Variants in CDC42EP4 observed in about 807,000 individuals in gnomAD.
CDC42EP4 encodes the protein CDC42 effector protein (Rho GTPase binding) 4.
Under a neutral mutation model 5.6 loss-of-function variants are expected in CDC42EP4, and 6 were observed. The ratio of observed to expected loss-of-function variants is 1.07; its 90% CI spans 0.59 to 2.12. CDC42EP4 has a LOEUF of 2.12. Ranked by LOEUF, CDC42EP4 falls within the 30% of genes most tolerant of loss-of-function variation. The pLI is 0.00. For synonymous variants in CDC42EP4, 230 were observed against 224.2 expected (o/e 1.03, Z -0.23); for missense variants, 490 against 508.6 (o/e 0.96, Z 0.35).
At chr17:73,302,912 C>T (rs868283537) in intron 1 of CDC42EP4, among the ~76,000 whole-genome samples, 2 of 150,472 alleles carry the variant, frequency 1.3e-5, no homozygotes, top group African/African-American at 2.5e-5. Flanking sequence ...GGCATGGTGG[C>T]GGGCACCTGT....
rs1490882222 is a variant in CDC42EP4 at position 73,289,670 on chromosome 17, C to A, written c.-112-3058G>T. Among the ~76,000 whole-genome samples, 5 of 134,916 alleles carry A rather than the reference C, an allele frequency of 3.7e-5. No homozygotes were observed. The Admixed American group carries it at 4.2e-4, about 11-fold the overall frequency. 88.5% of individuals were successfully genotyped at this position (134,916 alleles called of 152,430 possible). ...GCTGACTCCTGAATATCATATATGA[C>A]CCTCTTGGCCAGCCATGGGCTCCTA... is the stretch of plus-strand genomic sequence containing the variant. On this transcript the variant is annotated intron_variant, in intron 1 of 1. Transcript: ENST00000335793.
intron 1 of CDC42EP4, among the ~76,000 whole-genome samples, chr17:73,300,810 G>A (rs563928591): frequency 6.6e-6 from 1 of 152,252 alleles, no homozygotes; most frequent in South Asian, 2.1e-4. Context: ...ACTCTGGGAG[G>A]CTGAGTCAGG....
At chr17:73,290,819 T>C (rs556065683) in intron 1 of CDC42EP4, among the ~76,000 whole-genome samples, 2 of 152,238 alleles carry the variant, frequency 1.3e-5, no homozygotes, top group African/African-American at 4.8e-5. Flanking sequence ...CTGTGAGTGA[T>C]GTCAGGTCCT....
At chr17:73,295,466 T>C (rs2062179774) in intron 1 of CDC42EP4, among the ~76,000 whole-genome samples, 2 of 152,268 alleles carry the variant, frequency 1.3e-5, no homozygotes, top group South Asian at 4.1e-4. Flanking sequence ...CACTGAGCAA[T>C]TGGTACTAGG....
chr17:73,304,277 C>CTTTTTTT (rs3064764), intron 1 of CDC42EP4, among the ~76,000 whole-genome samples: 1 of 135,964 alleles, frequency 7.4e-6, no homozygotes, highest in Non-Finnish European at 1.5e-5. Context: ...TCTTCTTCTT[C>CTTTTTTT]TTTTTTTTTT....
At chr17:73,302,144 C>T (rs2062222331) in intron 1 of CDC42EP4, among the ~76,000 whole-genome samples, 1 of 152,072 alleles carries the variant, frequency 6.6e-6, no homozygotes. Flanking sequence ...AGCAGGCTAC[C>T]TTTTTTTCCC....
At chr17:73,304,277 CT>C (rs3064764) in intron 1 of CDC42EP4, among the ~76,000 whole-genome samples, 164 of 135,826 alleles carry the variant, frequency 1.2e-3, no homozygotes, top group Middle Eastern at 3.8e-3. Flanking sequence ...TCTTCTTCTT[CT>C]TTTTTTTTTT....
chr17:73,284,338 T>A lies in CDC42EP4; in HGVS notation c.*1092A>T, dbSNP rs977632376. On this transcript the variant is annotated 3_prime_UTR_variant, in exon 2 of 2. Transcript: ENST00000335793. ...AAAGAAAAAAAAGGCTTTCCCCCCA[T>A]AGGAATGATATATTATTTAAAAAAA... 3 of 151,958 alleles carry A rather than the reference T, an allele frequency of 2.0e-5. No homozygotes were observed. Among genetic ancestry groups the A allele is most frequent in the African/African-American group, 7.3e-5 (3 of 41,354 alleles). The allele number at this position is 151,958 out of a possible 1,614,324, so 9.4% of individuals were successfully genotyped here.
At chr17:73,306,375 G>C (rs938441587) in intron 1 of CDC42EP4, among the ~76,000 whole-genome samples, 1 of 151,270 alleles carries the variant, frequency 6.6e-6, no homozygotes, top group South Asian at 2.1e-4. Flanking sequence ...GGCGGCACAC[G>C]TCTATAGTCT....
intron 1 of CDC42EP4, chr17:73,306,838 T>C (rs556632204): frequency 6.6e-6 from 1 of 152,292 alleles, no homozygotes; most frequent in Non-Finnish European, 1.5e-5. Flanking sequence ...CTGGCTTTGT[T>C]GGCACACTTG....
intron 1 of CDC42EP4, among the ~76,000 whole-genome samples, chr17:73,289,261 G>C (rs2062148938): frequency 1.3e-5 from 2 of 152,152 alleles, no homozygotes; most frequent in Non-Finnish European, 2.9e-5. Context: ...ACTCTGGGAG[G>C]CTACGGCAGG....
At chr17:73,296,993 A>AC (rs1568343271) in intron 1 of CDC42EP4, among the ~76,000 whole-genome samples, 1 of 121,690 alleles carries the variant, frequency 8.2e-6, no homozygotes, top group Non-Finnish European at 1.8e-5. Flanking sequence ...AAAAAAAAAA[A>AC]AAAAAAAAAA....
At position 73,297,289 on chromosome 17, in the gene CDC42EP4, C is replaced by T. The variant is rs1232068588; in HGVS notation, c.-112-10677G>A. 1.3e-4 allele frequency among the ~76,000 whole-genome samples: 14 copies of T among 110,674 alleles called. No individual in the cohort carries two copies. The South Asian group carries it at 3.9e-3, about 31-fold the overall frequency. The allele number at this position is 110,674 out of a possible 152,430, so 72.6% of individuals were successfully genotyped here. ...AGCCTGGGGGACAAGAGCAAGACTTCGTCTCCAAAAAAAAAAAAAAACACA... is the reference window on the plus strand; with the variant it reads ...AGCCTGGGGGACAAGAGCAAGACTTTGTCTCCAAAAAAAAAAAAAAACACA... On this transcript the variant is annotated intron_variant, in intron 1 of 1. Coordinates refer to ENST00000335793, the MANE Select transcript of CDC42EP4 (RefSeq NM_012121.5).
rs1347750967 is a variant in CDC42EP4 at position 73,286,473 on chromosome 17, T to C, written c.28A>G (p.Ser10Gly). The C allele has an allele frequency of 6.3e-7, 1 of 1,599,578 alleles. No individual in the cohort carries two copies. Among genetic ancestry groups the C allele is most frequent in the Admixed American group, 1.7e-5 (1 of 59,290 alleles). MPILKQLVS[S>G]SVHSKRRSRA... ...GAACGGCGCTTGGAGTGCACCGAGC[T>C]GGACACCAGTTGCTTGAGGATTGGC... is the stretch of plus-strand genomic sequence containing the variant. Residue 10 changes from serine (S) to glycine (G), a missense_variant, in exon 2 of 2, where the codon AGC becomes GGC. Ser to Gly is a moderately conservative substitution (Grantham distance 56). Transcript: ENST00000335793. The surrounding 1 kb of genome is among the most constrained non-coding windows in gnomAD (Gnocchi z 7.7).
chr17:73,303,235 C>A (rs925178854), intron 1 of CDC42EP4, among the ~76,000 whole-genome samples: 1 of 151,620 alleles, frequency 6.6e-6, no homozygotes, highest in Non-Finnish European at 1.5e-5. Context: ...CCTAGCTACT[C>A]GGAAGGCTGA....
At chr17:73,308,028 C>T (rs1185708333) in intron 1 of CDC42EP4, among the ~76,000 whole-genome samples, 2 of 152,174 alleles carry the variant, frequency 1.3e-5, no homozygotes, top group East Asian at 1.9e-4. Context: ...AGGCGTGAGC[C>T]ACTGTGCCCG....
chr17:73,308,594 G>C (rs1027382099), intron 1 of CDC42EP4, among the ~76,000 whole-genome samples: 2 of 152,192 alleles, frequency 1.3e-5, no homozygotes, highest in Admixed American at 6.5e-5. Flanking sequence ...GAGAGTGAAA[G>C]GGAGAGGCCA....
intron 1 of CDC42EP4, among the ~76,000 whole-genome samples, chr17:73,288,487 G>A (rs1479925921): frequency 6.6e-6 from 1 of 150,648 alleles, no homozygotes; most frequent in Non-Finnish European, 1.5e-5. Flanking sequence ...TCGAACTCCT[G>A]ACCTCAGGTG....
chr17:73,297,712 G>A (rs547483622), intron 1 of CDC42EP4, among the ~76,000 whole-genome samples: 1 of 152,082 alleles, frequency 6.6e-6, no homozygotes, highest in East Asian at 1.9e-4. Context: ...AGGCTGGAGT[G>A]TAGTGGCACC....
Sources: gnomAD v4.1 joint callset for allele counts (sites outside exome capture counted in the v4.1 genomes callset) on GRCh38, gnomAD v4.1.1 for gene constraint, Gnocchi (gnomAD v3.1) non-coding constraint, MANE v1.5 for transcripts, NCBI Gene and HGNC (gene_info 2026-07-23, HGNC 2026-07-21) for gene names.